ROBO1: variants seen among roughly 807,000 people sequenced by gnomAD.
The protein encoded by ROBO1 is roundabout guidance receptor 1.
In ROBO1, 149 loss-of-function variants were observed where a neutral mutation model predicts 195.9. The observed-to-expected ratio is 0.76, with a 90% CI of 0.67 to 0.87. ROBO1 has a LOEUF of 0.87. Ranked by LOEUF, ROBO1 falls within the 40% of genes least tolerant of loss-of-function variation. The pLI, the probability that ROBO1 is intolerant of heterozygous loss-of-function variation, is 0.00. For missense variants in ROBO1, 1,933 were observed against 2,068.3 expected, an observed-to-expected ratio of 0.93 and a Z score of 1.27; for synonymous variants, 816 against 733.2, an observed-to-expected ratio of 1.11 and a Z score of -1.82.
rs1425712113 is a variant in ROBO1 at position 79,129,939 on chromosome 3, TC to T, written c.89-4401del. 1.3e-3 allele frequency among the ~76,000 whole-genome samples: 176 copies of T among 131,866 alleles called. 1 individual carries two copies. The highest frequency in any genetic ancestry group is 4.7e-3 in the African/African-American group (161 of 34,388). 86.5% of individuals were successfully genotyped at this position (131,866 alleles called of 152,430 possible). On this transcript the variant is annotated intron_variant, in intron 2 of 30. Coordinates refer to ENST00000464233, the MANE Select transcript of ROBO1 (RefSeq NM_002941.4). ...CCAGCACCATTTATTAAATAGGGAA[TC>T]CTTTCCCCATTGCTTGTTTTTCTCA...
intron 3 of ROBO1, among the ~76,000 whole-genome samples, chr3:78,969,973 G>A (rs1390541495): frequency 6.6e-6 from 1 of 152,054 alleles, no homozygotes; most frequent in East Asian, 1.9e-4. Flanking sequence ...TGAAACTTTG[G>A]CAGTTTTAAA....
chr3:79,564,198 T>C (rs1218990623), intron 2 of ROBO1, among the ~76,000 whole-genome samples: 1 of 152,040 alleles, frequency 6.6e-6, no homozygotes, highest in Non-Finnish European at 1.5e-5. Flanking sequence ...GTGGAACTTC[T>C]CATTTGAAAA....
intron 2 of ROBO1, among the ~76,000 whole-genome samples, chr3:79,533,753 T>C (rs1317876662): frequency 6.6e-6 from 1 of 152,166 alleles, no homozygotes; most frequent in Non-Finnish European, 1.5e-5. Context: ...GAAAAGTGTT[T>C]TAAGTATTAG....
chr3:79,421,316 C>A (rs937442269), intron 2 of ROBO1, among the ~76,000 whole-genome samples: 6 of 151,886 alleles, frequency 4.0e-5, no homozygotes, highest in Non-Finnish European at 5.9e-5. Context: ...ATAATAAACC[C>A]CCATGACACA....
intron 1 of ROBO1, among the ~76,000 whole-genome samples, chr3:79,604,342 A>T (rs1944422079): frequency 6.6e-6 from 1 of 152,072 alleles, no homozygotes; most frequent in Admixed American, 6.6e-5. Flanking sequence ...GTGCTTCCAC[A>T]TCTGCATACT....
chr3:79,336,367 T>A (rs1228984431), intron 2 of ROBO1, among the ~76,000 whole-genome samples: 1 of 152,224 alleles, frequency 6.6e-6, no homozygotes, highest in African/African-American at 2.4e-5. Context: ...CTTTGGTACA[T>A]GGTGCACTGC....
chr3:78,670,283 G>A lies in ROBO1; in HGVS notation c.1361C>T (p.Pro454Leu), dbSNP rs1283506255. 1 of 1,566,372 alleles carries A rather than the reference G, an allele frequency of 6.4e-7. No individual in the cohort carries two copies. Among genetic ancestry groups the A allele is most frequent in the Non-Finnish European group, 8.7e-7 (1 of 1,154,744 alleles). The change falls in exon 11 of 31, where the codon CCC becomes CTC. Residue 454 changes from proline to leucine, a missense_variant. Around this residue, in one of 3 missense-constraint regions of ROBO1, gnomAD observed 1,737 missense variants for 1,882.5 expected, o/e 0.92. Transcript: ENST00000464233. ...EVTDVIADRP[P>L]PVIRQGPVNQ... Reference sequence around the variant, plus strand: ...CACAGGACCTTGTCGAATAACTGGGGGAGGCCGATCTGCAATCACTGCCAG... The same window carrying A: ...CACAGGACCTTGTCGAATAACTGGGAGAGGCCGATCTGCAATCACTGCCAG...
intron 3 of ROBO1, among the ~76,000 whole-genome samples, chr3:79,028,132 A>C (rs2108294703): frequency 6.6e-6 from 1 of 152,138 alleles, no homozygotes; most frequent in South Asian, 2.1e-4. Flanking sequence ...TGGTTCTAAT[A>C]AGATTTTAAT....
chr3:79,419,081 C>T (rs1023762560), intron 2 of ROBO1, among the ~76,000 whole-genome samples: 9 of 152,050 alleles, frequency 5.9e-5, no homozygotes, highest in East Asian at 5.8e-4. Context: ...TAGAGAAATC[C>T]GTAGTGAAAG....
At chr3:79,338,248 A>G (rs2034760231) in intron 2 of ROBO1, among the ~76,000 whole-genome samples, 1 of 152,212 alleles carries the variant, frequency 6.6e-6, no homozygotes, top group Non-Finnish European at 1.5e-5. Flanking sequence ...TATACAGATG[A>G]CTATCTTTAA....
intron 4 of ROBO1, among the ~76,000 whole-genome samples, chr3:78,751,085 C>G (rs1559815543): frequency 2.6e-5 from 4 of 152,158 alleles, no homozygotes; most frequent in Admixed American, 2.0e-4. Context: ...TACAGTCTCA[C>G]CACTATCCAA....
intron 4 of ROBO1, among the ~76,000 whole-genome samples, chr3:78,860,088 A>AG (rs1289143234): frequency 6.6e-6 from 1 of 151,508 alleles, no homozygotes; most frequent in East Asian, 1.9e-4. Flanking sequence ...CAAAAAAAAA[A>AG]AAAAGACACA....
chr3:79,484,753 A>ATTTTTTTTTTTTTTTTTTTTTT (rs1402757273), intron 2 of ROBO1, among the ~76,000 whole-genome samples: 5 of 17,700 alleles, frequency 2.8e-4, no homozygotes, highest in African/African-American at 1.3e-3. Context: ...TCATTGCACT[A>ATTTTTTTTTTTTTTTTTTTTTT]TCTTTTTTTT....
intron 4 of ROBO1, among the ~76,000 whole-genome samples, chr3:78,816,890 T>C (rs1238025021): frequency 6.6e-6 from 1 of 152,122 alleles, no homozygotes; most frequent in Non-Finnish European, 1.5e-5. Context: ...ACTGTGAACA[T>C]TGTTGAAATG....
chr3:79,566,151 A>G (rs533673762), intron 2 of ROBO1, among the ~76,000 whole-genome samples: 2 of 152,262 alleles, frequency 1.3e-5, no homozygotes, highest in South Asian at 4.1e-4. Context: ...GAGTTGGACA[A>G]CAAGGCTAGA....
intron 2 of ROBO1, among the ~76,000 whole-genome samples, chr3:79,197,797 G>A (rs2081668115): frequency 6.6e-6 from 1 of 151,924 alleles, no homozygotes; most frequent in East Asian, 1.9e-4. Context: ...CAGTGATGAT[G>A]AGCATTTTTT....
chr3:78,968,375 AC>A (rs936984300), intron 3 of ROBO1, among the ~76,000 whole-genome samples: 1 of 150,362 alleles, frequency 6.7e-6, no homozygotes, highest in African/African-American at 2.4e-5. Flanking sequence ...CCCAGGTTCA[AC>A]CAATTCTCCT....
At chr3:79,147,306 T>G (rs1287754101) in intron 2 of ROBO1, among the ~76,000 whole-genome samples, 1 of 151,992 alleles carries the variant, frequency 6.6e-6, no homozygotes, top group Non-Finnish European at 1.5e-5. Flanking sequence ...ACTTTCTGTT[T>G]GACGAAAGCC....
intron 1 of ROBO1, among the ~76,000 whole-genome samples, chr3:79,760,205 C>A (rs1403442337): frequency 8.3e-6 from 1 of 120,148 alleles, no homozygotes; most frequent in East Asian, 2.5e-4. Flanking sequence ...CCACTGCACT[C>A]CAGCCTGGGT....
Sources: gnomAD v4.1 joint callset for allele counts (sites outside exome capture counted in the v4.1 genomes callset) on GRCh38, gnomAD v4.1.1 for gene constraint, gnomAD v4.1.1 regional missense constraint, MANE v1.5 for transcripts, NCBI Gene and HGNC (gene_info 2026-07-23, HGNC 2026-07-21) for gene names.